WDR36: variants seen among roughly 807,000 people sequenced by gnomAD.
WDR36 encodes the protein WD repeat-containing protein 36.
WDR36 carries 63 observed loss-of-function variants against 112.7 expected under a neutral mutation model. That is an observed-to-expected ratio of 0.56 (90% CI 0.46 to 0.69). WDR36 has a LOEUF of 0.69. WDR36 is among the 30% of genes least tolerant of loss of function. The pLI, the probability that WDR36 is intolerant of heterozygous loss-of-function variation, is 0.00. For synonymous variants in WDR36, 410 were observed against 362.2 expected (o/e 1.13, Z -1.50); for missense variants, 1,226 against 1,070.3 (o/e 1.15, Z -2.03).
chr5:111,113,477 A>G (rs1580399808), intron 16 of WDR36, among the ~76,000 whole-genome samples: 1 of 152,218 alleles, frequency 6.6e-6, no homozygotes, highest in Non-Finnish European at 1.5e-5. Context: ...AGACTTAAGG[A>G]TGGCAAACTT....
intron 8 of WDR36, 118 bp from the exon 9 acceptor site, chr5:111,104,579 A>G: frequency 1.3e-6 from 2 of 1,504,312 alleles, no homozygotes; most frequent in African/African-American, 1.4e-5. Context: ...TTGTAGCTCC[A>G]GAGTCAGTGG....
chr5:111,129,469 A>G lies in WDR36; in HGVS notation c.*2586A>G, dbSNP rs1033338782. ...TTTGGTTTTAAATCAGAAATTTCTC[A>G]CTAGTGAAGATGGACATATTTTTGT... On this transcript the variant is annotated 3_prime_UTR_variant, in exon 23 of 23. Transcript: ENST00000513710. 2.2e-4 allele frequency: 42 copies of G among 192,820 alleles called. No homozygotes were observed. Among genetic ancestry groups the G allele is most frequent in the African/African-American group, 9.7e-4 (42 of 43,110 alleles). 11.9% of individuals were successfully genotyped at this position (192,820 alleles called of 1,614,324 possible).
intron 1 of WDR36, among the ~76,000 whole-genome samples, chr5:111,093,667 G>A (rs1476909044): frequency 2.0e-5 from 3 of 152,160 alleles, no homozygotes; most frequent in African/African-American, 7.2e-5. Context: ...TTTCTTCCTT[G>A]AAATGTAATT....
chr5:111,118,884 C>A, intron 16 of WDR36, 129 bp from the exon 17 acceptor site: 1 of 704,528 alleles, frequency 1.4e-6, no homozygotes, highest in Non-Finnish European at 2.5e-6. Context: ...CTGATCAATG[C>A]TGGTGATTAA....
chr5:111,112,026 A>T (rs576238457), intron 15 of WDR36, among the ~76,000 whole-genome samples: 6 of 152,004 alleles, frequency 3.9e-5, no homozygotes, highest in Non-Finnish European at 7.4e-5. Context: ...TTCCTTCAAA[A>T]TTGAAGAAAA....
At chr5:111,106,284 C>G (rs1016962034) in intron 11 of WDR36, 141 bp downstream of exon 11, 5 of 764,514 alleles carry the variant, frequency 6.5e-6, no homozygotes, top group African/African-American at 3.5e-5. Context: ...GCATGCTGGT[C>G]TTGTGTGAAG....
At chr5:111,098,203 A>C (rs1753035010) in intron 3 of WDR36, among the ~76,000 whole-genome samples, 1 of 152,180 alleles carries the variant, frequency 6.6e-6, no homozygotes, top group Non-Finnish European at 1.5e-5. Flanking sequence ...ACTGGAATCT[A>C]GTGAGAACTG....
Position 111,094,942 on chromosome 5 carries a change from C to CAGTA in WDR36, c.190+4_190+7dup. 1.2e-6 allele frequency: 2 copies of CAGTA among 1,606,400 alleles called. No individual in the cohort carries two copies. Among genetic ancestry groups the CAGTA allele is most frequent in the South Asian group, 2.2e-5 (2 of 90,114 alleles). On this transcript the variant is annotated frameshift_variant, in exon 2 of 23. Transcript: ENST00000513710. LOFTEE classifies it high-confidence loss of function. ...CAGGTTCAGAAACTTAGTCTGGTTG[C>CAGTA]AGTAAGTAAGTATGGACTTTATTCT...
chr5:111,104,208 A>T lies in WDR36; in HGVS notation c.762A>T (p.Pro254=). ...ATCCAGTAATGGCAGCTGGAAGCCCATGTGGCCATATTGGACTCTGGGATC... is the reference window on the plus strand; with the variant it reads ...ATCCAGTAATGGCAGCTGGAAGCCCTTGTGGCCATATTGGACTCTGGGATC... The part of the protein sequence containing the change: ...DGHPVMAAGS[P]CGHIGLWDLE... Residue 254 remains proline, a synonymous_variant, in exon 8 of 23, where the codon CCA becomes CCT. Coordinates refer to ENST00000513710, the MANE Select transcript of WDR36 (RefSeq NM_139281.3). The T allele has an allele frequency of 1.2e-6, 2 of 1,611,630 alleles. No homozygotes were observed. The highest frequency in any genetic ancestry group is 8.5e-7 in the Non-Finnish European group (1 of 1,178,358).
chr5:111,097,211 C>T, intron 3 of WDR36, 32 bp downstream of exon 3: 1 of 1,518,392 alleles, frequency 6.6e-7, no homozygotes, highest in South Asian at 1.1e-5. Flanking sequence ...GTTTGTCAGT[C>T]AGTATTTGTT....
chr5:111,093,410 C>G (rs1340558216), intron 1 of WDR36, among the ~76,000 whole-genome samples: 2 of 152,256 alleles, frequency 1.3e-5, no homozygotes, highest in Non-Finnish European at 2.9e-5. Context: ...AGAGTTGTCT[C>G]TCTTGGAGGA....
At chr5:111,099,498 G>A (rs1462208540) in intron 4 of WDR36, among the ~76,000 whole-genome samples, 1 of 101,338 alleles carries the variant, frequency 9.9e-6, no homozygotes, top group Non-Finnish European at 2.0e-5. Flanking sequence ...TAAATATCCT[G>A]AAGATTGCAT....
Position 111,098,579 on chromosome 5 carries a change from C to T in WDR36, c.292-143C>T, listed in dbSNP as rs1053642411. The T allele has an allele frequency of 9.2e-6, 6 of 654,206 alleles. No individual in the cohort carries two copies. The African/African-American group carries it at 1.1e-4, about 12-fold the overall frequency. The allele number at this position is 654,206 out of a possible 1,614,324, so 40.5% of individuals were successfully genotyped here. A position where few individuals can be genotyped will look rare whatever the true frequency, so the allele number is the denominator to read the frequency against. On this transcript the variant is annotated intron_variant, in intron 3 of 22. Coordinates refer to ENST00000513710, the MANE Select transcript of WDR36 (RefSeq NM_139281.3). ...CCTGGTCCCTTAATATTTATGTGTT[C>T]ATCCTAACCTTGAATAATCAAAAGT...
rs982573417 is a variant in WDR36, at chr5:111,095,243, T to G, written c.190+296T>G. ...CATTTAGAATGTCCTTCAGTTTGAGTTTTTTTGACATTTCTTCAGGATTAG... is the reference window on the plus strand; with the variant it reads ...CATTTAGAATGTCCTTCAGTTTGAGGTTTTTTGACATTTCTTCAGGATTAG... On this transcript the variant is annotated intron_variant, in intron 2 of 22. Coordinates refer to ENST00000513710, the MANE Select transcript of WDR36 (RefSeq NM_139281.3). 1.3e-5 allele frequency: 4 copies of G among 301,020 alleles called. No homozygotes were observed. The Admixed American group carries it at 1.4e-4, about 11-fold the overall frequency. 18.6% of individuals were successfully genotyped at this position (301,020 alleles called of 1,614,324 possible). A position where few individuals can be genotyped will look rare whatever the true frequency, so the allele number is the denominator to read the frequency against.
intron 4 of WDR36, among the ~76,000 whole-genome samples, chr5:111,099,106 G>T (rs1350120685): frequency 6.6e-6 from 1 of 152,060 alleles, no homozygotes; most frequent in Non-Finnish European, 1.5e-5. Context: ...ATGATTTGTT[G>T]TATTGTTTTC....
At chr5:111,100,483 A>G in intron 4 of WDR36, 106 bp from the exon 5 acceptor site, 2 of 740,076 alleles carry the variant, frequency 2.7e-6, no homozygotes, top group Non-Finnish European at 4.3e-6. Context: ...TTATTTTAAC[A>G]TATAAATCTT....
At chr5:111,112,749 C>T (rs553134243) in intron 15 of WDR36, among the ~76,000 whole-genome samples, 1 of 151,838 alleles carries the variant, frequency 6.6e-6, no homozygotes, top group South Asian at 2.1e-4. Context: ...CACACATAAA[C>T]ATTGTCTATA....
rs1330135665 is a variant in WDR36, at chr5:111,128,617, C to T, written c.*1734C>T. On this transcript the variant is annotated 3_prime_UTR_variant, in exon 23 of 23. Transcript: ENST00000513710. ...CTGAAATTGTATTGCTTACAGAAAT[C>T]ATGAACCGAATTTTCTTCTCTTTTT... 5.5e-6 allele frequency: 1 copy of T among 181,118 alleles called. No individual in the cohort carries two copies. The highest frequency in any genetic ancestry group is 1.2e-5 in the Non-Finnish European group (1 of 84,798). 11.2% of individuals were successfully genotyped at this position (181,118 alleles called of 1,614,324 possible). A position where few individuals can be genotyped will look rare whatever the true frequency, so the allele number is the denominator to read the frequency against.
chr5:111,097,038 C>T, intron 2 of WDR36, 41 bp from the exon 3 acceptor site: 1 of 1,487,158 alleles, frequency 6.7e-7, no homozygotes, highest in East Asian at 2.3e-5. Flanking sequence ...TCTTTAACAT[C>T]TTAAAAATCC....
Sources: allele counts gnomAD v4.1 joint callset (sites outside exome capture counted in the v4.1 genomes callset), GRCh38; gene constraint gnomAD v4.1.1; transcripts MANE v1.5; gene names NCBI Gene and HGNC (gene_info 2026-07-23, HGNC 2026-07-21).